MMP26: variants seen among roughly 807,000 people sequenced by gnomAD.
The protein encoded by MMP26 is matrix metalloproteinase-26.
In MMP26, 33 loss-of-function variants were observed where a neutral mutation model predicts 31.0. The ratio of observed to expected loss-of-function variants is 1.06; its 90% CI spans 0.81 to 1.42. The LOEUF (loss-of-function observed/expected upper bound fraction) is 1.42. Among genes scored for constraint, MMP26 ranks in the 40% most tolerant of loss-of-function variants. The pLI is 0.00. For missense variants in MMP26, 347 were observed against 316.1 expected (o/e 1.10, Z -0.74); for synonymous variants, 122 against 114.9 (o/e 1.06, Z -0.40).
intron 2 of MMP26, chr11:4,803,646 G>C: frequency 6.2e-7 from 1 of 1,613,950 alleles, no homozygotes; most frequent in South Asian, 1.1e-5. Flanking sequence ...AGATATGGGA[G>C]GAACGTGTGC....
At chr11:4,896,825 C>A (rs1850710416) in intron 2 of MMP26, among the ~76,000 whole-genome samples, 3 of 152,008 alleles carry the variant, frequency 2.0e-5, no homozygotes, top group African/African-American at 7.2e-5. Context: ...TCTGAATATG[C>A]TTTTTTCTTT....
intron 2 of MMP26, among the ~76,000 whole-genome samples, chr11:4,934,159 A>G (rs1364615002): frequency 2.2e-5 from 3 of 135,504 alleles, no homozygotes; most frequent in Admixed American, 7.6e-5. Flanking sequence ...ACTGACTTCC[A>G]CAATGGTTGA....
rs569138191 is a variant in MMP26, at chr11:4,882,121, T to C, written c.-144-105947T>C. 4 of 1,613,946 alleles carry C rather than the reference T, an allele frequency of 2.5e-6. No individual in the cohort carries two copies. The East Asian group carries it at 8.9e-5, about 36-fold the overall frequency. ...CCATGCTGGCAGCTGTTGATCTATG[T>C]CTGACCATTACGACCCTTCCCACTG... is the stretch of plus-strand genomic sequence containing the variant. On this transcript the variant is annotated intron_variant, in intron 2 of 7. Transcript: ENST00000380390.
intron 1 of MMP26, among the ~76,000 whole-genome samples, chr11:4,743,734 C>G (rs1589888801): frequency 6.6e-6 from 1 of 152,288 alleles, no homozygotes; most frequent in African/African-American, 2.4e-5. Context: ...TTGTTTGATT[C>G]TGCTTAAATA....
At chr11:4,962,684 C>T (rs1371438248) in intron 2 of MMP26, among the ~76,000 whole-genome samples, 1 of 152,156 alleles carries the variant, frequency 6.6e-6, no homozygotes, top group African/African-American at 2.4e-5. Context: ...GGGTTTAGCA[C>T]TTGGTTGATT....
At chr11:4,744,023 A>G (rs1395382098) in intron 1 of MMP26, among the ~76,000 whole-genome samples, 2 of 151,732 alleles carry the variant, frequency 1.3e-5, no homozygotes, top group Non-Finnish European at 2.9e-5. Flanking sequence ...CTGGTCTGAA[A>G]CTCCTGGACT....
intron 2 of MMP26, among the ~76,000 whole-genome samples, chr11:4,856,730 C>G (rs1179021392): frequency 6.6e-6 from 1 of 152,210 alleles, no homozygotes; most frequent in Non-Finnish European, 1.5e-5. Flanking sequence ...ACCTAATAGA[C>G]ATCTACAGAA....
At position 4,857,451 on chromosome 11, in the gene MMP26, G is replaced by A. The variant is rs568797054; in HGVS notation, c.-145+90110G>A. 4.7e-3 allele frequency among the ~76,000 whole-genome samples: 702 copies of A among 150,554 alleles called. 3 individuals carry two copies. Among genetic ancestry groups the A allele is most frequent in the Middle Eastern group, 0.017 (5 of 288 alleles). On this transcript the variant is annotated intron_variant, in intron 2 of 7. Coordinates refer to ENST00000380390, the MANE Select transcript of MMP26 (RefSeq NM_021801.5). ...ATCAGAGAATACTATAAACACCTCT[G>A]TGCAAATAAACTAGAAAATCTAGAA...
chr11:4,791,904 T>A (rs959343171), intron 2 of MMP26, among the ~76,000 whole-genome samples: 1 of 151,828 alleles, frequency 6.6e-6, no homozygotes, highest in Non-Finnish European at 1.5e-5. Flanking sequence ...GTTGTTTTTC[T>A]AGCAATCACC....
Position 4,848,946 on chromosome 11 carries a change from G to A in MMP26, c.-145+81605G>A, listed in dbSNP as rs373088155. On this transcript the variant is annotated intron_variant, in intron 2 of 7. Transcript: ENST00000380390. ...ACCAGCAAGGGCGATGCCCAGCAGT[G>A]TGGGCATCAGGGCAGTGACCAATCC... The A allele has an allele frequency of 5.1e-5, 82 of 1,613,968 alleles. No individual in the cohort carries two copies. The African/African-American group carries it at 8.1e-4, about 16-fold the overall frequency.
chr11:4,924,449 G>A (rs1347200330), intron 2 of MMP26: 10 of 1,138,920 alleles, frequency 8.8e-6, no homozygotes, highest in Non-Finnish European at 1.2e-5. Context: ...CAGTAAGGAA[G>A]CATCTGCAGA....
intron 2 of MMP26, among the ~76,000 whole-genome samples, chr11:4,898,829 C>CTGTG (rs754433153): frequency 9.6e-5 from 12 of 125,428 alleles, no homozygotes; most frequent in Non-Finnish European, 1.2e-4. Flanking sequence ...CTCTCTCTCT[C>CTGTG]TCTGTGTGTG....
chr11:4,800,215 C>A (rs1849163234), intron 2 of MMP26, among the ~76,000 whole-genome samples: 1 of 152,234 alleles, frequency 6.6e-6, no homozygotes, highest in Non-Finnish European at 1.5e-5. Context: ...CAGCAGGCTT[C>A]TGCCTAGGCA....
At chr11:4,848,927 A>G in intron 2 of MMP26, 1 of 1,614,044 alleles carries the variant, frequency 6.2e-7, no homozygotes, top group Non-Finnish European at 8.5e-7. Flanking sequence ...GAGCACCAGC[A>G]AGGGCGATGC....
chr11:4,779,265 T>C (rs1848827898), intron 2 of MMP26, among the ~76,000 whole-genome samples: 1 of 152,072 alleles, frequency 6.6e-6, no homozygotes, highest in Non-Finnish European at 1.5e-5. Context: ...TTTACTAAGT[T>C]ACCATGAATA....
chr11:4,793,627 A>T (rs915098794), intron 2 of MMP26, among the ~76,000 whole-genome samples: 10 of 152,232 alleles, frequency 6.6e-5, no homozygotes, highest in African/African-American at 2.4e-4. Flanking sequence ...AAGGGTTTAC[A>T]TCCTGAGAAT....
chr11:4,931,709 A>C (rs1354512979), intron 2 of MMP26, among the ~76,000 whole-genome samples: 1 of 152,042 alleles, frequency 6.6e-6, no homozygotes. Context: ...AAGGTGCAGC[A>C]AGGTCTCAAA....
chr11:4,833,508 G>A (rs752484429), intron 2 of MMP26, among the ~76,000 whole-genome samples: 1 of 152,130 alleles, frequency 6.6e-6, no homozygotes, highest in African/African-American at 2.4e-5. Flanking sequence ...TTTATAAAGT[G>A]TCTGAGTTTG....
chr11:4,966,979 T>C (rs1846604222), intron 2 of MMP26, among the ~76,000 whole-genome samples: 1 of 152,186 alleles, frequency 6.6e-6, no homozygotes, highest in Non-Finnish European at 1.5e-5. Flanking sequence ...TTTGTTTGCA[T>C]TTGCAAGGCC....
Sources: allele counts gnomAD v4.1 joint callset (sites outside exome capture counted in the v4.1 genomes callset), GRCh38; gene constraint gnomAD v4.1.1; transcripts MANE v1.5; gene names NCBI Gene and HGNC (gene_info 2026-07-23, HGNC 2026-07-21).